ABCF2: variants seen among roughly 807,000 people sequenced by gnomAD.
The protein encoded by ABCF2 is ATP-binding cassette sub-family F member 2.
In ABCF2, 37 loss-of-function variants were observed where a neutral mutation model predicts 76.9. The ratio of observed to expected loss-of-function variants is 0.48; its 90% confidence interval spans 0.37 to 0.63. The LOEUF is 0.63. Ranked by LOEUF, ABCF2 falls within the 30% of genes least tolerant of loss-of-function variation. The probability of loss-of-function intolerance (pLI) is 0.00; values close to 1 mark genes in which losing one functional copy is unlikely to be tolerated. For synonymous variants in ABCF2, 299 were observed against 283.7 expected (o/e 1.05, Z -0.54); for missense variants, 524 against 782.1 (o/e 0.67, Z 3.94).
At chr7:151,217,500 G>C (rs1040994294) in intron 11 of ABCF2, among the ~76,000 whole-genome samples, 1 of 152,184 alleles carries the variant, frequency 6.6e-6, no homozygotes, top group Non-Finnish European at 1.5e-5. Context: ...TAAATGCTCT[G>C]ATTGAAAATA....
Position 151,214,945 on chromosome 7 carries a change from T to C in ABCF2, c.1668A>G (p.Ala556=). The C allele has an allele frequency of 6.2e-7, 1 of 1,614,234 alleles. No homozygotes were observed. The highest frequency in any genetic ancestry group is 8.5e-7 in the Non-Finnish European group (1 of 1,180,040). ...CACCCTCAAACTCATTGATGGCATC[T>C]GCCAGGGCGTCGATGGTCTCGATAT... ...HLDIETIDAL[A]DAINEFEGGM... is the part of the protein sequence containing the mutation. Residue 556 remains alanine (A), a synonymous_variant, in exon 14 of 15, where the codon GCA becomes GCG. Coordinates refer to ENST00000287844, the MANE Select transcript of ABCF2 (RefSeq NM_007189.3). The surrounding 1 kb of genome is among the most constrained non-coding windows in gnomAD (Gnocchi z 4.9).
chr7:151,223,541 C>T (rs1802314311), intron 5 of ABCF2, 137 bp downstream of exon 5: 4 of 1,019,032 alleles, frequency 3.9e-6, no homozygotes, highest in Non-Finnish European at 5.6e-6. Flanking sequence ...ACACAACAAC[C>T]CCCTCCACAC....
chr7:151,226,987 C>G (rs1422109671), intron 1 of ABCF2, 176 bp downstream of exon 1: 3 of 152,722 alleles, frequency 2.0e-5, no homozygotes, highest in African/African-American at 7.3e-5. Context: ...CTCCGAGTCT[C>G]CACGCTCGTC....
In ABCF2 at chr7:151,219,146, T is replaced by C; in HGVS notation, c.935A>G (p.Gln312Arg). The change falls in exon 8 of 15, where the codon CAG becomes CGG. Residue 312 changes from glutamine to arginine, a missense_variant. Gln to Arg is a conservative substitution (Grantham distance 43, BLOSUM62 1). Around this residue, in one of 2 missense-constraint regions of ABCF2, gnomAD observed 330 missense variants for 433.6 expected, o/e 0.76. Coordinates refer to ENST00000287844, the MANE Select transcript of ABCF2 (RefSeq NM_007189.3). ...KLKYYTGNYDQYVKTRLELEE... is the reference protein window; with the variant it reads ...KLKYYTGNYDRYVKTRLELEE... ...CAGCTCTAGCCGCGTCTTCACGTAC[T>C]GATCATAATTACCCTGCATGGAAAT... The C allele has an allele frequency of 6.2e-7, 1 of 1,614,014 alleles. No individual in the cohort carries two copies. The highest frequency in any genetic ancestry group is 2.2e-5 in the East Asian group (1 of 44,860).
At position 151,213,440 on chromosome 7, in the gene ABCF2, T is replaced by G; in HGVS notation, c.*614A>C. On this transcript the variant is annotated 3_prime_UTR_variant, in exon 15 of 15. Transcript: ENST00000287844. ...CACTGACGCTGGATCCAGCTCCTGC[T>G]GTGGGCAGTGCATGTTGGCACTGCA... is the stretch of plus-strand genomic sequence containing the variant. 1.0e-6 allele frequency: 1 copy of G among 985,148 alleles called. No individual in the cohort carries two copies. The highest frequency in any genetic ancestry group is 1.2e-6 in the Non-Finnish European group (1 of 829,692). The allele number at this position is 985,148 out of a possible 1,614,324, so 61.0% of individuals were successfully genotyped here. A position where few individuals can be genotyped will look rare whatever the true frequency, so the allele number is the denominator to read the frequency against.
rs6970222 is a variant in ABCF2, at chr7:151,215,517, C to T, written c.1530+87G>A. On this transcript the variant is annotated intron_variant, in intron 13 of 14. Transcript: ENST00000287844. This position sits in a 1 kb window ranked among gnomAD's most constrained non-coding sequence, Gnocchi z 4.6. The stretch of plus-strand genomic sequence containing the variant: ...GACTCTGGTTTGGACAGCTTCCAAA[C>T]CCAGGCTGCCAGGACAGTATCCCCT... 3,952 of 1,549,462 alleles carry T rather than the reference C, an allele frequency of 2.6e-3. 80 individuals are homozygous for T. The African/African-American group carries it at 0.047, about 18-fold the overall frequency.
At chr7:151,218,014 C>T (rs2150573544) in intron 11 of ABCF2, 67 bp downstream of exon 11, 3 of 1,216,130 alleles carry the variant, frequency 2.5e-6, no homozygotes, top group Non-Finnish European at 2.4e-6. Flanking sequence ...CCCTGCATCA[C>T]TCCCCTCTTC....
Position 151,218,762 on chromosome 7 carries a change from T to C in ABCF2, c.1129A>G (p.Ser377Gly), listed in dbSNP as rs770469392. Residue 377 changes from serine (S) to glycine (G), a missense_variant, in exon 9 of 15, where the codon AGC becomes GGC. By Grantham distance (56) the Ser-to-Gly change is moderately conservative. Around this residue, in one of 2 missense-constraint regions of ABCF2, gnomAD observed 194 missense variants for 348.6 expected, o/e 0.56. Transcript: ENST00000287844. ...ACCCAATCACACCCCACCTTATCGC[T>C]CACGACCCTCTCTGTCAGTCCTGAT... ...MASGLTERVVSDKTLSFYFPP... is the reference protein window; with the variant it reads ...MASGLTERVVGDKTLSFYFPP... The C allele has an allele frequency of 3.1e-6, 5 of 1,612,224 alleles. No homozygotes were observed. The South Asian group carries it at 4.4e-5, about 14-fold the overall frequency.
Position 151,216,758 on chromosome 7 carries a change from C to G in ABCF2, c.1339-729G>C, listed in dbSNP as rs570432486. ...CACACTCCTGATCTCAAGTGATCTGCCTGCCTCGGCCTCCCAAAGCACTGG... is the reference window on the plus strand; with the variant it reads ...CACACTCCTGATCTCAAGTGATCTGGCTGCCTCGGCCTCCCAAAGCACTGG... On this transcript the variant is annotated intron_variant, in intron 11 of 14. Transcript: ENST00000287844. 2.0e-5 allele frequency among the ~76,000 whole-genome samples: 3 copies of G among 152,304 alleles called. No individual in the cohort carries two copies. In the East Asian group the frequency reaches 5.8e-4, roughly 29 times the overall value.
At position 151,219,113 on chromosome 7, in the gene ABCF2, T is replaced by G. The variant is rs1802214245; in HGVS notation, c.968A>C (p.Asn323Thr). The G allele has an allele frequency of 6.2e-7, 1 of 1,614,082 alleles. No individual in the cohort carries two copies. The highest frequency in any genetic ancestry group is 8.5e-7 in the Non-Finnish European group (1 of 1,180,016). The stretch of plus-strand genomic sequence containing the variant: ...CTCCCAGTGAAACCTCTTCATCTGG[T>G]TCTCCTCCAGCTCTAGCCGCGTCTT... ...YVKTRLELEE[N>T]QMKRFHWEQD... Residue 323 changes from asparagine (N) to threonine (T), a missense_variant, in exon 8 of 15, where the codon AAC becomes ACC. Physicochemically the swap from Asn to Thr is moderately conservative, Grantham distance 65. Around this residue, in one of 2 missense-constraint regions of ABCF2, gnomAD observed 330 missense variants for 433.6 expected, o/e 0.76. Coordinates refer to ENST00000287844, the MANE Select transcript of ABCF2 (RefSeq NM_007189.3).
Position 151,215,474 on chromosome 7 carries a change from G to A in ABCF2, c.1530+130C>T, listed in dbSNP as rs1209612881. ...GTAAAGAAAAGGTAGTAGGTTCTTAGGGGAGTCAAATGGAGGAGACTCTGG... is the reference window on the plus strand; with the variant it reads ...GTAAAGAAAAGGTAGTAGGTTCTTAAGGGAGTCAAATGGAGGAGACTCTGG... On this transcript the variant is annotated intron_variant, in intron 13 of 14. Coordinates refer to ENST00000287844, the MANE Select transcript of ABCF2 (RefSeq NM_007189.3). The surrounding 1 kb of genome is among the most constrained non-coding windows in gnomAD (Gnocchi z 4.6). 2.6e-6 allele frequency: 3 copies of A among 1,140,318 alleles called. No homozygotes were observed. The African/African-American group carries it at 4.6e-5, about 18-fold the overall frequency. The allele number at this position is 1,140,318 out of a possible 1,614,324, so 70.6% of individuals were successfully genotyped here.
At chr7:151,220,663 C>A (rs892361325) in intron 7 of ABCF2, among the ~76,000 whole-genome samples, 3 of 151,724 alleles carry the variant, frequency 2.0e-5, no homozygotes, top group African/African-American at 7.3e-5. Context: ...TGTGTAGACT[C>A]CAGTGAAGCA....
rs751815994 is a variant in ABCF2 at position 151,224,033 on chromosome 7, T to C, written c.449A>G (p.Glu150Gly). The C allele has an allele frequency of 1.2e-6, 2 of 1,614,100 alleles. No individual in the cohort carries two copies. Among genetic ancestry groups the C allele is most frequent in the Non-Finnish European group, 1.7e-6 (2 of 1,179,990 alleles). The change falls in exon 4 of 15, where the codon GAG (glutamate) becomes GGG (glycine). Residue 150 changes from glutamate to glycine, a missense_variant. Glu to Gly is a moderately conservative substitution (Grantham distance 98). Coordinates refer to ENST00000287844, the MANE Select transcript of ABCF2 (RefSeq NM_007189.3). ...GGGTGTCTTGTCACTAGGGGGCATC[T>C]CTCGAGTCAGATGGTAGATGTCGAT... Reference protein sequence around the residue: ...EHIDIYHLTREMPPSDKTPLH... With the variant: ...EHIDIYHLTRGMPPSDKTPLH...
intron 10 of ABCF2, 60 bp from the exon 11 acceptor site, chr7:151,218,251 G>T: frequency 8.3e-7 from 1 of 1,206,272 alleles, no homozygotes. Flanking sequence ...GCTATGACCA[G>T]CAGACCAAGC....
At position 151,212,133 on chromosome 7, in the gene ABCF2, T is replaced by C. The variant is rs76235121; in HGVS notation, c.*1921A>G. On this transcript the variant is annotated 3_prime_UTR_variant, in exon 15 of 15. Transcript: ENST00000287844. ...GAGCTCCTAAGGGGTTTAAGCACCATCTGGGACAGTTGCTCCCGCCAGTCC... is the reference window on the plus strand; with the variant it reads ...GAGCTCCTAAGGGGTTTAAGCACCACCTGGGACAGTTGCTCCCGCCAGTCC... The C allele has an allele frequency of 1.9e-3, 1,857 of 985,348 alleles. 45 individuals carry two copies. In the African/African-American group the frequency reaches 0.03, roughly 16 times the overall value. The allele number at this position is 985,348 out of a possible 1,614,324, so 61.0% of individuals were successfully genotyped here.
In ABCF2 at chr7:151,213,926, G is replaced by A; in HGVS notation, c.*128C>T. 2 of 1,493,964 alleles carry A rather than the reference G, an allele frequency of 1.3e-6. No homozygotes were observed. The highest frequency in any genetic ancestry group is 1.8e-6 in the Non-Finnish European group (2 of 1,130,616). 92.5% of individuals were successfully genotyped at this position (1,493,964 alleles called of 1,614,324 possible). A position where few individuals can be genotyped will look rare whatever the true frequency, so the allele number is the denominator to read the frequency against. The stretch of plus-strand genomic sequence containing the variant: ...AGCTAAGGCAGGTTGAGGGGCAGGG[G>A]AGAGGCTGGGGGAGCAGTATTGCAG... On this transcript the variant is annotated 3_prime_UTR_variant, in exon 15 of 15. Transcript: ENST00000287844.
In ABCF2 at chr7:151,226,315, T is replaced by C. The variant is rs1802371579; in HGVS notation, c.144A>G (p.Arg48=). The change falls in exon 2 of 15, where the codon AGA becomes AGG. Residue 48 remains arginine, a synonymous_variant. Coordinates refer to ENST00000287844, the MANE Select transcript of ABCF2 (RefSeq NM_007189.3). ...CCTCCCTCAATTCACCTGTGGTCTC[T>C]CTGCCATTGGCCTCATTCTTCTCTG... The part of the protein sequence containing the change: ...QVAEKNEANG[R]ETTEVDLLTK... 1 of 1,613,856 alleles carries C rather than the reference T, an allele frequency of 6.2e-7. No individual in the cohort carries two copies. The highest frequency in any genetic ancestry group is 1.3e-5 in the African/African-American group (1 of 74,918).
Position 151,213,607 on chromosome 7 carries a change from C to T in ABCF2, c.*447G>A, listed in dbSNP as rs1047123208. On this transcript the variant is annotated 3_prime_UTR_variant, in exon 15 of 15. Coordinates refer to ENST00000287844, the MANE Select transcript of ABCF2 (RefSeq NM_007189.3). The stretch of plus-strand genomic sequence containing the variant: ...TTTAAAAACTGACCAGGACGAAGGT[C>T]CTGGTCCGGAGCTCCAAACCAGAAG... 10 of 993,376 alleles carry T rather than the reference C, an allele frequency of 1.0e-5. No homozygotes were observed. Among genetic ancestry groups the T allele is most frequent in the Non-Finnish European group, 1.2e-5 (10 of 835,806 alleles). 61.5% of individuals were successfully genotyped at this position (993,376 alleles called of 1,614,324 possible). A position where few individuals can be genotyped will look rare whatever the true frequency, so the allele number is the denominator to read the frequency against.
In ABCF2 at chr7:151,211,628, A is replaced by C; in HGVS notation, c.*2426T>G. On this transcript the variant is annotated 3_prime_UTR_variant, in exon 15 of 15. Coordinates refer to ENST00000287844, the MANE Select transcript of ABCF2 (RefSeq NM_007189.3). ...TCCTGTCCTAGTATGGAGACTCTGG[A>C]GATCCCGAGACTACCTGAATTCTTA... 1.0e-6 allele frequency: 1 copy of C among 985,350 alleles called. No homozygotes were observed. The highest frequency in any genetic ancestry group is 1.2e-6 in the Non-Finnish European group (1 of 829,918). The allele number at this position is 985,350 out of a possible 1,614,324, so 61.0% of individuals were successfully genotyped here.
Sources: allele counts gnomAD v4.1 joint callset (sites outside exome capture counted in the v4.1 genomes callset), GRCh38; gene constraint gnomAD v4.1.1; regional missense constraint gnomAD v4.1.1; non-coding constraint Gnocchi (gnomAD v3.1); transcripts MANE v1.5; gene names NCBI Gene and HGNC (gene_info 2026-07-23, HGNC 2026-07-21).